The following FEZ1 variants were observed in gnomAD, a reference collection of about 807,000 sequenced individuals.
FEZ1 encodes the protein fasciculation and elongation protein zeta 1.
In FEZ1, 20 loss-of-function variants were observed where a neutral mutation model predicts 49.3. That is an observed-to-expected ratio of 0.41 (90% CI 0.29 to 0.59). The LOEUF is 0.59. Among genes scored for constraint, FEZ1 ranks in the 20% least tolerant of loss-of-function variants. The probability of loss-of-function intolerance (pLI) is 0.36; values close to 1 mark genes in which losing one functional copy is unlikely to be tolerated. For missense variants in FEZ1, 413 were observed against 476.0 expected (o/e 0.87, Z 1.23); for synonymous variants, 170 against 180.9 (o/e 0.94, Z 0.48).
chr11:125,452,197 C>T (rs183642251), intron 8 of FEZ1, 137 bp downstream of exon 8: 39 of 669,626 alleles, frequency 5.8e-5, no homozygotes, highest in Admixed American at 2.2e-4. Context: ...GAGGATGTGA[C>T]GCAGTAATTT....
At chr11:125,488,144 G>A (rs538139929) in intron 2 of FEZ1, among the ~76,000 whole-genome samples, 14 of 152,192 alleles carry the variant, frequency 9.2e-5, no homozygotes, top group African/African-American at 1.7e-4. Context: ...CCCAGGGCTC[G>A]GTTATCTGCT....
intron 3 of FEZ1, among the ~76,000 whole-genome samples, chr11:125,468,627 A>G (rs1591591736): frequency 6.6e-6 from 1 of 152,224 alleles, no homozygotes; most frequent in Non-Finnish European, 1.5e-5. Context: ...TCAAAAAAGA[A>G]TAACCCAAAA....
rs1345594079 is a variant in FEZ1 at position 125,445,619 on chromosome 11, T to C, written c.*476A>G. ...TCCCACCACGACCCACAACAGGACA[T>C]GCGCCCGGTCCCTAAACACAGCACT... On this transcript the variant is annotated 3_prime_UTR_variant, in exon 10 of 10. Transcript: ENST00000278919. This position sits in a 1 kb window ranked among gnomAD's most constrained non-coding sequence, Gnocchi z 4.4. 1 of 272,202 alleles carries C rather than the reference T, an allele frequency of 3.7e-6. No homozygotes were observed. Among genetic ancestry groups the C allele is most frequent in the East Asian group, 9.9e-5 (1 of 10,096 alleles). 16.9% of individuals were successfully genotyped at this position (272,202 alleles called of 1,614,324 possible).
chr11:125,487,909 C>T (rs966750554), intron 2 of FEZ1, among the ~76,000 whole-genome samples: 4 of 152,194 alleles, frequency 2.6e-5, no homozygotes, highest in Non-Finnish European at 5.9e-5. Context: ...AACCCTCTCC[C>T]AAATACAGTC....
chr11:125,481,694 G>A (rs1957280684), intron 2 of FEZ1, 61 bp from the exon 3 acceptor site: 20 of 1,140,310 alleles, frequency 1.8e-5, no homozygotes, highest in Non-Finnish European at 2.4e-5. Flanking sequence ...CCTGGAGGAA[G>A]GAAGAGCTGG....
At chr11:125,453,949 A>T in intron 7 of FEZ1, 181 bp downstream of exon 7, 9 of 397,190 alleles carry the variant, frequency 2.3e-5, no homozygotes, top group East Asian at 4.1e-5. Flanking sequence ...AAAAAAAAAA[A>T]GTTTGCCTTT....
At chr11:125,461,250 A>G (rs113884242) in intron 4 of FEZ1, among the ~76,000 whole-genome samples, 31 of 152,324 alleles carry the variant, frequency 2.0e-4, no homozygotes, top group African/African-American at 7.5e-4. Context: ...TCTAATCTAG[A>G]CTATTGACAG....
At chr11:125,464,339 T>C (rs1957104881) in intron 3 of FEZ1, among the ~76,000 whole-genome samples, 2 of 152,216 alleles carry the variant, frequency 1.3e-5, no homozygotes, top group Admixed American at 6.5e-5. Context: ...CAAACTGCCA[T>C]AGTCTGGCAT....
rs1416006497 is a variant in FEZ1, at chr11:125,456,282, G to A, written c.668-176C>T. On this transcript the variant is annotated intron_variant, in intron 5 of 9. Coordinates refer to ENST00000278919, the MANE Select transcript of FEZ1 (RefSeq NM_005103.5). ...TTACGAGCACGCCAGGAAGGCGGGG[G>A]CCTGTGTACTGACTGCAGAAGAGAA... 2.4e-5 allele frequency: 14 copies of A among 593,090 alleles called. No individual in the cohort carries two copies. In the East Asian group the frequency reaches 3.7e-4, roughly 16 times the overall value. 36.7% of individuals were successfully genotyped at this position (593,090 alleles called of 1,614,324 possible).
intron 9 of FEZ1, 27 bp from the exon 10 acceptor site, chr11:125,446,138 GC>G: frequency 1.2e-6 from 2 of 1,613,568 alleles, no homozygotes; most frequent in Non-Finnish European, 1.7e-6. Flanking sequence ...GGAGGGGAGA[GC>G]GGTCAGAACA....
intron 5 of FEZ1, among the ~76,000 whole-genome samples, chr11:125,456,660 T>C (rs992740471): frequency 6.6e-6 from 1 of 152,160 alleles, no homozygotes; most frequent in Non-Finnish European, 1.5e-5. Context: ...TTGGTGACTA[T>C]GCATGAAAAA....
chr11:125,482,473 G>T (rs1179462134), intron 2 of FEZ1, among the ~76,000 whole-genome samples: 1 of 152,140 alleles, frequency 6.6e-6, no homozygotes, highest in African/African-American at 2.4e-5. Context: ...TATAAGAAAG[G>T]ATTTCTACAA....
intron 3 of FEZ1, among the ~76,000 whole-genome samples, chr11:125,476,711 A>G (rs552484207): frequency 6.6e-6 from 1 of 152,334 alleles, no homozygotes; most frequent in African/African-American, 2.4e-5. Context: ...AAGGACTGGG[A>G]ATCGGAACAG....
chr11:125,459,217 C>T (rs140589722), intron 5 of FEZ1, among the ~76,000 whole-genome samples: 3 of 152,332 alleles, frequency 2.0e-5, no homozygotes, highest in African/African-American at 7.2e-5. Context: ...AAGAGTGAGA[C>T]TGCTTTCTGT....
chr11:125,479,102 C>T (rs1957257626), intron 3 of FEZ1, among the ~76,000 whole-genome samples: 1 of 152,178 alleles, frequency 6.6e-6, no homozygotes, highest in Non-Finnish European at 1.5e-5. Context: ...TATGTCTGTG[C>T]TGAGGAGGCT....
chr11:125,447,805 G>C (rs1956911751), intron 9 of FEZ1, among the ~76,000 whole-genome samples: 1 of 148,800 alleles, frequency 6.7e-6, no homozygotes, highest in Non-Finnish European at 1.5e-5. Context: ...CTGGGTGACA[G>C]AGCGAGATTC....
At chr11:125,485,837 T>A (rs1858582454) in intron 2 of FEZ1, among the ~76,000 whole-genome samples, 1 of 150,776 alleles carries the variant, frequency 6.6e-6, no homozygotes, top group Admixed American at 6.6e-5. Context: ...TCCCAGCTAC[T>A]CGGGAGGCTG....
At chr11:125,486,503 AGAGAT>A (rs1332200373) in intron 2 of FEZ1, among the ~76,000 whole-genome samples, 1 of 152,248 alleles carries the variant, frequency 6.6e-6, no homozygotes, top group Non-Finnish European at 1.5e-5. Flanking sequence ...CTGACAGATC[AGAGAT>A]AAGTTGACAA....
At chr11:125,469,315 G>A (rs891709021) in intron 3 of FEZ1, among the ~76,000 whole-genome samples, 3 of 152,332 alleles carry the variant, frequency 2.0e-5, no homozygotes, top group African/African-American at 4.8e-5. Context: ...CTGAAGGGGA[G>A]TGGCTTGATC....
Sources: gnomAD v4.1 joint callset for allele counts (sites outside exome capture counted in the v4.1 genomes callset) on GRCh38, gnomAD v4.1.1 for gene constraint, Gnocchi (gnomAD v3.1) non-coding constraint, MANE v1.5 for transcripts, NCBI Gene and HGNC (gene_info 2026-07-23, HGNC 2026-07-21) for gene names.